Variants in DLST observed in about 807,000 individuals in gnomAD.
The protein encoded by DLST is dihydrolipoamide S-succinyltransferase, also known as dihydrolipoyllysine-residue succinyltransferase component of 2-oxoglutarate dehydrogenase complex, mitochondrial.
DLST carries 17 observed loss-of-function variants against 53.1 expected under a neutral mutation model. That is an observed-to-expected ratio of 0.32 (90% CI 0.22 to 0.48). The LOEUF (loss-of-function observed/expected upper bound fraction) is 0.48. Among genes scored for constraint, DLST ranks in the 20% least tolerant of loss-of-function variants. The pLI, the probability that DLST is intolerant of heterozygous loss-of-function variation, is 0.99. For synonymous variants in DLST, 206 were observed against 204.8 expected, an observed-to-expected ratio of 1.01 and a Z score of -0.05; for missense variants, 512 against 583.9, an observed-to-expected ratio of 0.88 and a Z score of 1.27.
chr14:74,891,499 TCCAAAATCTGAAATGCTTCAAAAC>T, intron 7 of DLST: 1 of 1,003,392 alleles, frequency 1.0e-6, no homozygotes, highest in South Asian at 4.4e-5. Context: ...AAACTGAAAA[TCCAAAATCTGAAATGCTTCAAAAC>T]TTTTTGAGCA....
chr14:74,894,348 C>T lies in DLST; in HGVS notation c.709C>T (p.Arg237Cys), dbSNP rs1433299781. 5.0e-6 allele frequency: 8 copies of T among 1,614,018 alleles called. No individual in the cohort carries two copies. The highest frequency in any genetic ancestry group is 3.3e-5 in the Admixed American group (2 of 60,004). The change falls in exon 10 of 15, where the codon CGT becomes TGT. Residue 237 changes from arginine to cysteine, a missense_variant. Physicochemically the swap from Arg to Cys is radical, Grantham distance 180. This residue lies in a region of DLST where 162 missense variants were observed against 162.0 expected (regional missense o/e 1.00). Coordinates refer to ENST00000334220, the MANE Select transcript of DLST (RefSeq NM_001933.5). The stretch of plus-strand genomic sequence containing the variant: ...CAGGATGCGGCAGCGCATTGCTCAG[C>T]GTCTGAAGGAGGCCCAGAATACATG... The part of the protein sequence containing the change: ...MNRMRQRIAQ[R>C]LKEAQNTCAM...
intron 6 of DLST, among the ~76,000 whole-genome samples, chr14:74,890,503 G>A (rs1883867979): frequency 6.6e-6 from 1 of 152,090 alleles, no homozygotes; most frequent in Admixed American, 6.6e-5. Flanking sequence ...TGAGGGGGTG[G>A]GGAGGGTAAA....
At chr14:74,882,762 A>G in intron 2 of DLST, 138 bp downstream of exon 2, 1 of 763,146 alleles carries the variant, frequency 1.3e-6, no homozygotes, top group Non-Finnish European at 2.3e-6. Context: ...AATGCTACAT[A>G]ATCACGAGCT....
At chr14:74,898,530 T>C in intron 11 of DLST, 31 bp downstream of exon 11, 1 of 1,610,918 alleles carries the variant, frequency 6.2e-7, no homozygotes, top group Non-Finnish European at 8.5e-7. Context: ...ATTGGAGAGG[T>C]CCTGGGAGGT....
intron 3 of DLST, among the ~76,000 whole-genome samples, chr14:74,888,748 G>A (rs557891936): frequency 1.3e-5 from 2 of 152,150 alleles, no homozygotes; most frequent in African/African-American, 2.4e-5. Flanking sequence ...AAGTCATTTC[G>A]GTCTGCAAAG....
chr14:74,885,496 G>A, intron 2 of DLST, 90 bp from the exon 3 acceptor site: 1 of 1,286,196 alleles, frequency 7.8e-7, no homozygotes, highest in South Asian at 1.2e-5. Context: ...CTCTGTCTCA[G>A]GGTTGGGGGT....
chr14:74,887,861 G>A (rs1883760844), intron 3 of DLST, among the ~76,000 whole-genome samples: 1 of 152,122 alleles, frequency 6.6e-6, no homozygotes, highest in Non-Finnish European at 1.5e-5. Context: ...AGACCTTATA[G>A]TTATTTTGAC....
intron 11 of DLST, among the ~76,000 whole-genome samples, chr14:74,899,502 G>A (rs1311443144): frequency 6.6e-6 from 1 of 152,080 alleles, no homozygotes. Flanking sequence ...CTCTTGTTGA[G>A]AGTTGGAAGC....
At chr14:74,894,481 T>C (rs747886686) in intron 10 of DLST, 72 bp downstream of exon 10, 8 of 1,416,312 alleles carry the variant, frequency 5.6e-6, no homozygotes, top group South Asian at 3.8e-5. Flanking sequence ...CCACTCCTTA[T>C]CTAGTGCTGA....
chr14:74,896,101 C>A (rs1270016377), intron 10 of DLST, among the ~76,000 whole-genome samples: 1 of 152,116 alleles, frequency 6.6e-6, no homozygotes, highest in African/African-American at 2.4e-5. Flanking sequence ...TCAAGCCATC[C>A]TCCTGCTTTG....
At chr14:74,884,154 A>G (rs1201571273) in intron 2 of DLST, among the ~76,000 whole-genome samples, 1 of 152,238 alleles carries the variant, frequency 6.6e-6, no homozygotes, top group Non-Finnish European at 1.5e-5. Flanking sequence ...GCTTGTGCAA[A>G]GGTTTTCAGA....
intron 2 of DLST, among the ~76,000 whole-genome samples, chr14:74,884,112 G>A (rs1883623932): frequency 1.3e-5 from 2 of 152,210 alleles, no homozygotes; most frequent in South Asian, 4.1e-4. Context: ...ATATAAAAGA[G>A]CCAAGAAAAT....
chr14:74,899,790 T>A, intron 11 of DLST, 133 bp from the exon 12 acceptor site: 1 of 644,028 alleles, frequency 1.6e-6, no homozygotes, highest in South Asian at 2.0e-5. Context: ...CATAATGCAG[T>A]GGTGTTCATG....
intron 11 of DLST, 108 bp downstream of exon 11, chr14:74,898,607 C>T (rs1884146385): frequency 7.5e-7 from 1 of 1,338,938 alleles, no homozygotes; most frequent in East Asian, 2.5e-5. Flanking sequence ...TTATTTGCTA[C>T]CTATAGAAAT....
At chr14:74,891,193 G>A in intron 7 of DLST, 26 bp downstream of exon 7, 1 of 1,613,788 alleles carries the variant, frequency 6.2e-7, no homozygotes, top group Non-Finnish European at 8.5e-7. Flanking sequence ...TGGTGGTCAA[G>A]GTCTCCAGTG....
intron 10 of DLST, among the ~76,000 whole-genome samples, chr14:74,894,738 G>A (rs1485222098): frequency 1.3e-5 from 2 of 151,910 alleles, no homozygotes; most frequent in Non-Finnish European, 2.9e-5. Flanking sequence ...TAGTGGAGAC[G>A]GGGTTTCACC....
In DLST at chr14:74,881,930, C is replaced by G. The variant is rs770437870; in HGVS notation, c.-24C>G. 19 of 1,527,276 alleles carry G rather than the reference C, an allele frequency of 1.2e-5. No homozygotes were observed. The African/African-American group carries it at 2.4e-4, about 19-fold the overall frequency. The allele number at this position is 1,527,276 out of a possible 1,614,324, so 94.6% of individuals were successfully genotyped here. A position where few individuals can be genotyped will look rare whatever the true frequency, so the allele number is the denominator to read the frequency against. On this transcript the variant is annotated 5_prime_UTR_variant, in exon 1 of 15. Coordinates refer to ENST00000334220, the MANE Select transcript of DLST (RefSeq NM_001933.5). ...TGTCCGGCCCTATATCCGGTGTCCG[C>G]CCGCCCTCGGCTCCTCCGCCGTGAT...
At position 74,899,993 on chromosome 14, in the gene DLST, A is replaced by G. The variant is rs1477540821; in HGVS notation, c.972A>G (p.Pro324=). The G allele has an allele frequency of 4.3e-6, 7 of 1,613,124 alleles. No individual in the cohort carries two copies. In the East Asian group the frequency reaches 1.6e-4, roughly 36 times the overall value. Residue 324 remains proline (P), a synonymous_variant, in exon 12 of 15, where the codon CCA becomes CCG. Coordinates refer to ENST00000334220, the MANE Select transcript of DLST (RefSeq NM_001933.5). ...ACATCAGTGTTGCAGTGGCCACCCC[A>G]CGGGTATGTTGGGGCAGGAGGTGGG... ...YIDISVAVAT[P]RGLVVPVIRN...
intron 2 of DLST, 91 bp from the exon 3 acceptor site, chr14:74,885,495 A>G: frequency 2.4e-6 from 3 of 1,275,184 alleles, no homozygotes; most frequent in Non-Finnish European, 3.4e-6. Context: ...GCTCTGTCTC[A>G]GGGTTGGGGG....
Sources: allele counts gnomAD v4.1 joint callset (sites outside exome capture counted in the v4.1 genomes callset), GRCh38; gene constraint gnomAD v4.1.1; regional missense constraint gnomAD v4.1.1; transcripts MANE v1.5; gene names NCBI Gene and HGNC (gene_info 2026-07-23, HGNC 2026-07-21).